The following ADGRL3 variants were observed in gnomAD, a reference collection of about 807,000 sequenced individuals.
ADGRL3 encodes the protein adhesion G protein-coupled receptor L3, also known as calcium-independent alpha-latrotoxin receptor 3.
ADGRL3 carries 62 observed loss-of-function variants against 153.5 expected under a neutral mutation model. That is an observed-to-expected ratio of 0.40 (90% CI 0.33 to 0.50). The LOEUF is 0.50. Among genes scored for constraint, ADGRL3 ranks in the 20% least tolerant of loss-of-function variants. The pLI, the probability that ADGRL3 is intolerant of heterozygous loss-of-function variation, is 0.47. For missense variants in ADGRL3, 1,641 were observed against 1,859.4 expected (o/e 0.88, Z 2.16); for synonymous variants, 710 against 672.5 (o/e 1.06, Z -0.86).
chr4:61,252,857 A>G (rs1385554364), intron 1 of ADGRL3, among the ~76,000 whole-genome samples: 1 of 152,160 alleles, frequency 6.6e-6, no homozygotes, highest in Non-Finnish European at 1.5e-5. Flanking sequence ...TTTTATTTTT[A>G]GTGACCTCAG....
intron 4 of ADGRL3, among the ~76,000 whole-genome samples, chr4:61,585,624 T>G (rs1442953072): frequency 1.3e-5 from 2 of 152,066 alleles, no homozygotes; most frequent in African/African-American, 2.4e-5. Context: ...TATAACTGAT[T>G]CTCTTAGTGT....
chr4:61,966,506 CCTTACT>C (rs765857641), intron 17 of ADGRL3, among the ~76,000 whole-genome samples: 4 of 151,698 alleles, frequency 2.6e-5, no homozygotes, highest in Non-Finnish European at 4.4e-5. Flanking sequence ...GATTACTTTT[CCTTACT>C]CTTCAGCTGT....
At chr4:61,571,493 AC>A (rs2098838713) in intron 4 of ADGRL3, among the ~76,000 whole-genome samples, 1 of 152,060 alleles carries the variant, frequency 6.6e-6, no homozygotes, top group Non-Finnish European at 1.5e-5. Flanking sequence ...AGCCTGGGTG[AC>A]AGAGACCCTG....
At chr4:61,569,024 G>A (rs1205824605) in intron 4 of ADGRL3, among the ~76,000 whole-genome samples, 1 of 152,034 alleles carries the variant, frequency 6.6e-6, no homozygotes, top group Non-Finnish European at 1.5e-5. Context: ...CATATAGCAA[G>A]CATTACTTTT....
chr4:61,619,415 T>C (rs2092328842), intron 5 of ADGRL3, among the ~76,000 whole-genome samples: 1 of 152,142 alleles, frequency 6.6e-6, no homozygotes, highest in South Asian at 2.1e-4. Flanking sequence ...GAGATATTGA[T>C]ATTATTTTTT....
chr4:61,831,152 G>A (rs1318452702), intron 9 of ADGRL3, among the ~76,000 whole-genome samples: 1 of 151,270 alleles, frequency 6.6e-6, no homozygotes, highest in Non-Finnish European at 1.5e-5. Context: ...GCCTCCCAAA[G>A]TGCTGGGATT....
Position 61,260,736 on chromosome 4 carries a change from A to T in ADGRL3, c.-240+58971A>T, listed in dbSNP as rs576650045. Among the ~76,000 whole-genome samples the T allele has an allele frequency of 3.6e-4, 42 of 118,100 alleles. No homozygotes were observed. The South Asian group carries it at 6.4e-3, about 18-fold the overall frequency. The allele number at this position is 118,100 out of a possible 152,430, so 77.5% of individuals were successfully genotyped here. On this transcript the variant is annotated intron_variant, in intron 1 of 26. Coordinates refer to ENST00000683033, the MANE Select transcript of ADGRL3 (RefSeq NM_001387552.1). ...TAGTGGCCTTTAAAAAATTTTTTTT[A>T]TTTTTTTGAGACAGGGACTCACTCT...
At position 61,810,579 on chromosome 4, in the gene ADGRL3, G is replaced by C. The variant is rs1045525053; in HGVS notation, c.1400-3230G>C. 7.9e-5 allele frequency among the ~76,000 whole-genome samples: 12 copies of C among 152,104 alleles called. No homozygotes were observed. The East Asian group carries it at 2.1e-3, about 27-fold the overall frequency. ...TTGAACTTTAGTAGAAATTGCACAGGGTTTCTCAATAAAATAGAAATTAAA... is the reference window on the plus strand; with the variant it reads ...TTGAACTTTAGTAGAAATTGCACAGCGTTTCTCAATAAAATAGAAATTAAA... On this transcript the variant is annotated intron_variant, in intron 8 of 26. Transcript: ENST00000683033.
At chr4:61,390,962 G>A (rs2096795323) in intron 2 of ADGRL3, among the ~76,000 whole-genome samples, 1 of 152,074 alleles carries the variant, frequency 6.6e-6, no homozygotes, top group African/African-American at 2.4e-5. Flanking sequence ...GTTGTTGAGT[G>A]CCCCAATAAT....
intron 2 of ADGRL3, among the ~76,000 whole-genome samples, chr4:61,467,200 T>G (rs865818463): frequency 4.6e-5 from 7 of 152,112 alleles, no homozygotes; most frequent in African/African-American, 1.7e-4. Context: ...AGTGTAAACA[T>G]TAAAATGTTA....
intron 8 of ADGRL3, among the ~76,000 whole-genome samples, chr4:61,808,019 T>C (rs1031341): frequency 0.56 from 84,862 of 151,954 alleles, 25,376 homozygotes; most frequent in African/African-American, 0.77. Context: ...GTTCCTCCTG[T>C]CCCCCATACA....
intron 4 of ADGRL3, among the ~76,000 whole-genome samples, chr4:61,547,928 C>G (rs998673333): frequency 6.6e-6 from 1 of 151,956 alleles, no homozygotes; most frequent in African/African-American, 2.4e-5. Flanking sequence ...TATTTTTTGA[C>G]TTTTTAATAG....
In ADGRL3 at chr4:61,743,084, G is replaced by A. The variant is rs1405339723; in HGVS notation, c.1399+9530G>A. ...GCCTGTAATTCCAGCACTTTGGGAA[G>A]CCAAGGCAGGCGGATCACAAGGTTA... On this transcript the variant is annotated intron_variant, in intron 8 of 26. Transcript: ENST00000683033. 4.6e-5 allele frequency among the ~76,000 whole-genome samples: 7 copies of A among 151,564 alleles called. No individual in the cohort carries two copies. In the East Asian group the frequency reaches 5.8e-4, roughly 13 times the overall value.
At chr4:61,231,783 C>A (rs576684644) in intron 1 of ADGRL3, among the ~76,000 whole-genome samples, 1 of 151,876 alleles carries the variant, frequency 6.6e-6, no homozygotes, top group Non-Finnish European at 1.5e-5. Flanking sequence ...CCTCCCGGCA[C>A]GTGGTAAGTA....
chr4:61,614,709 G>A (rs1317960421), intron 5 of ADGRL3, among the ~76,000 whole-genome samples: 1 of 152,056 alleles, frequency 6.6e-6, no homozygotes, highest in Non-Finnish European at 1.5e-5. Flanking sequence ...AGTCTTTCCT[G>A]ACTTCCCTGT....
chr4:61,985,964 G>C (rs1437821513), intron 19 of ADGRL3, among the ~76,000 whole-genome samples: 1 of 149,298 alleles, frequency 6.7e-6, no homozygotes, highest in Non-Finnish European at 1.5e-5. Flanking sequence ...ATGTCTTAGG[G>C]GAGGGGTGTT....
At chr4:61,977,462 T>C (rs867850005) in intron 17 of ADGRL3, among the ~76,000 whole-genome samples, 10 of 152,302 alleles carry the variant, frequency 6.6e-5, no homozygotes, top group Middle Eastern at 6.8e-3. Context: ...CCAACACTGC[T>C]TTGGTAGCAT....
intron 13 of ADGRL3, among the ~76,000 whole-genome samples, chr4:61,919,842 T>A (rs910661016): frequency 8.5e-5 from 13 of 152,206 alleles, no homozygotes; most frequent in African/African-American, 2.9e-4. Context: ...TAGAAAGCCA[T>A]TTCTGCCTCC....
At chr4:61,447,818 T>G (rs2152501500) in intron 2 of ADGRL3, among the ~76,000 whole-genome samples, 1 of 152,320 alleles carries the variant, frequency 6.6e-6, no homozygotes, top group East Asian at 1.9e-4. Context: ...TCTCTGGTAC[T>G]AGCTACAAAT....
Sources: gnomAD v4.1 joint callset for allele counts (sites outside exome capture counted in the v4.1 genomes callset) on GRCh38, gnomAD v4.1.1 for gene constraint, MANE v1.5 for transcripts, NCBI Gene and HGNC (gene_info 2026-07-23, HGNC 2026-07-21) for gene names.